ATL2: variants seen among roughly 807,000 people sequenced by gnomAD.
ATL2 encodes the protein atlastin-2.
A neutral mutation model predicts 73.9 loss-of-function variants in ATL2; 31 were observed. That is an observed-to-expected ratio of 0.42 (90% confidence interval 0.32 to 0.57). ATL2 has a LOEUF of 0.57. ATL2 is among the 20% of genes least tolerant of loss of function. ATL2 has a pLI of 0.14. For missense variants in ATL2, 738 were observed against 702.6 expected (o/e 1.05, Z -0.57); for synonymous variants, 291 against 237.5 (o/e 1.23, Z -2.07).
chr2:38,353,126 C>G (rs1670454143), intron 1 of ATL2, among the ~76,000 whole-genome samples: 1 of 152,246 alleles, frequency 6.6e-6, no homozygotes, highest in African/African-American at 2.4e-5. Context: ...AGTACCAATT[C>G]TGCCATGACC....
intron 9 of ATL2, 148 bp downstream of exon 9, chr2:38,309,231 G>A: frequency 1.4e-6 from 1 of 727,748 alleles, no homozygotes; most frequent in Non-Finnish European, 2.1e-6. Context: ...CTTAAATACA[G>A]ATACATCTAA....
At chr2:38,364,752 A>G (rs563835286) in intron 1 of ATL2, among the ~76,000 whole-genome samples, 82 of 152,356 alleles carry the variant, frequency 5.4e-4, no homozygotes, top group African/African-American at 1.9e-3. Context: ...GGCTCAAAAA[A>G]TAACTTTGTT....
chr2:38,318,775 C>T (rs1573468462), intron 3 of ATL2, 110 bp downstream of exon 3: 2 of 1,355,606 alleles, frequency 1.5e-6, no homozygotes, highest in Middle Eastern at 1.9e-4. Context: ...ACATAATAAT[C>T]CGTATGTTAA....
In ATL2 at chr2:38,340,026, G is replaced by A. The variant is rs149792112; in HGVS notation, c.363+3242C>T. On this transcript the variant is annotated intron_variant, in intron 2 of 12. Transcript: ENST00000378954. Reference sequence around the variant, plus strand: ...AGAATATTAAAGCAACAAAAATAACGCAAAAACATGAGTACATCTCAAAGT... The same window carrying A: ...AGAATATTAAAGCAACAAAAATAACACAAAAACATGAGTACATCTCAAAGT... Among the ~76,000 whole-genome samples, 753 of 152,052 alleles carry A rather than the reference G, an allele frequency of 5.0e-3. 3 individuals are homozygous for A. Among genetic ancestry groups the A allele is most frequent in the African/African-American group, 0.017 (690 of 41,490 alleles).
At position 38,364,410 on chromosome 2, in the gene ATL2, T is replaced by G. The variant is rs146517507; in HGVS notation, c.118+12733A>C. ...TAAACTCAAAGTGATGAGTAAGAAG[T>G]GTAATGCGCAAATCAGATATAAGGC... On this transcript the variant is annotated intron_variant, in intron 1 of 12. Coordinates refer to ENST00000378954, the MANE Select transcript of ATL2 (RefSeq NM_001135673.4). Among the ~76,000 whole-genome samples the G allele has an allele frequency of 1.9e-3, 285 of 152,158 alleles. 2 individuals carry two copies. The highest frequency in any genetic ancestry group is 6.4e-3 in the African/African-American group (265 of 41,494).
chr2:38,337,006 C>G (rs992389079), intron 2 of ATL2, among the ~76,000 whole-genome samples: 3 of 152,148 alleles, frequency 2.0e-5, no homozygotes, highest in African/African-American at 7.2e-5. Context: ...ACATGTAAAA[C>G]TACACCAACG....
At chr2:38,346,757 C>T (rs779567560) in intron 1 of ATL2, among the ~76,000 whole-genome samples, 1 of 152,108 alleles carries the variant, frequency 6.6e-6, no homozygotes, top group Non-Finnish European at 1.5e-5. Context: ...TCCCCTCTTG[C>T]TGTGCGGCCC....
rs529896095 is a variant in ATL2, at chr2:38,313,621, G to T, written c.712-378C>A. Among the ~76,000 whole-genome samples the T allele has an allele frequency of 2.4e-4, 36 of 152,126 alleles. No individual in the cohort carries two copies. In the South Asian group the frequency reaches 7.5e-3, roughly 32 times the overall value. ...CTATCTAGACTGATTATAGATCTGGGGTCAATAAGGACATTTTCACTCACA... is the reference window on the plus strand; with the variant it reads ...CTATCTAGACTGATTATAGATCTGGTGTCAATAAGGACATTTTCACTCACA... On this transcript the variant is annotated intron_variant, in intron 6 of 12. Coordinates refer to ENST00000378954, the MANE Select transcript of ATL2 (RefSeq NM_001135673.4).
intron 2 of ATL2, 56 bp from the exon 3 acceptor site, chr2:38,319,075 C>G: frequency 6.5e-7 from 1 of 1,533,670 alleles, no homozygotes; most frequent in South Asian, 1.2e-5. Context: ...TAAAAGAAAC[C>G]AAAAAATCAC....
At chr2:38,377,699 T>A (rs553647713), upstream of ATL2, among the ~76,000 whole-genome samples, 47 of 152,328 alleles carry the variant, frequency 3.1e-4, no homozygotes, top group African/African-American at 1.1e-3. Context: ...GTCCTGCACG[T>A]GAGGTGGCTT....
chr2:38,357,735 G>A (rs1464056108), intron 1 of ATL2, among the ~76,000 whole-genome samples: 1 of 150,754 alleles, frequency 6.6e-6, no homozygotes, highest in Non-Finnish European at 1.5e-5. Context: ...CAAGGTTTTA[G>A]GCATTAATAG....
intron 12 of ATL2, chr2:38,297,867 T>C (rs1182048535): frequency 1.5e-5 from 4 of 262,270 alleles, no homozygotes; most frequent in Non-Finnish European, 2.9e-5. Context: ...AAAAAATCAT[T>C]ACAGACTCTG....
intron 2 of ATL2, among the ~76,000 whole-genome samples, chr2:38,323,900 T>C (rs188033803): frequency 6.6e-5 from 10 of 152,216 alleles, no homozygotes; most frequent in African/African-American, 1.7e-4. Flanking sequence ...CCTTTCACAA[T>C]GGATAGGCTG....
intron 2 of ATL2, among the ~76,000 whole-genome samples, chr2:38,319,372 G>C (rs975146208): frequency 6.6e-6 from 1 of 152,106 alleles, no homozygotes; most frequent in Non-Finnish European, 1.5e-5. Flanking sequence ...GCTGAAGTGG[G>C]CATATCACTT....
intron 2 of ATL2, among the ~76,000 whole-genome samples, chr2:38,325,906 TAAAAAAAAAAAAAA>T (rs761254087): frequency 3.8e-5 from 2 of 52,028 alleles, no homozygotes; most frequent in Admixed American, 2.0e-4. Context: ...TTTGTTTGTT[TAAAAAAAAAAAAAA>T]AAAAAAAAAA....
chr2:38,314,243 T>C (rs966614228), intron 6 of ATL2, among the ~76,000 whole-genome samples: 4 of 152,160 alleles, frequency 2.6e-5, no homozygotes, highest in African/African-American at 9.7e-5. Flanking sequence ...TAATTTCAAC[T>C]TGTAGTAAAC....
chr2:38,376,611 TCG>T (rs1671983328), intron 1 of ATL2: 1 of 153,978 alleles, frequency 6.5e-6, no homozygotes, highest in Non-Finnish European at 1.4e-5. Flanking sequence ...TAAGGAGCTT[TCG>T]GACCCGGCAG....
At chr2:38,345,850 C>T (rs985661327) in intron 1 of ATL2, among the ~76,000 whole-genome samples, 20 of 152,198 alleles carry the variant, frequency 1.3e-4, no homozygotes, top group African/African-American at 4.8e-4. Flanking sequence ...GTTTTCTCAT[C>T]TGGAAAATGG....
At chr2:38,339,960 G>C (rs544211058) in intron 2 of ATL2, among the ~76,000 whole-genome samples, 1 of 152,166 alleles carries the variant, frequency 6.6e-6, no homozygotes, top group African/African-American at 2.4e-5. Flanking sequence ...CAAAGTGCTG[G>C]GATTACAGGC....
Sources: gnomAD v4.1 joint callset for allele counts (sites outside exome capture counted in the v4.1 genomes callset) on GRCh38, gnomAD v4.1.1 for gene constraint, MANE v1.5 for transcripts, NCBI Gene and HGNC (gene_info 2026-07-23, HGNC 2026-07-21) for gene names.